The following PTCSC3 variants were observed in gnomAD, a reference collection of about 807,000 sequenced individuals.
PTCSC3 encodes the protein papillary thyroid carcinoma susceptibility candidate 3 (non-protein coding).
rs186053275 is a variant in PTCSC3 at position 36,174,079 on chromosome 14, T to G, written n.171+2219A>C. ...GTGCCTAGGTGCAGATTTCCTTGTA[T>G]GTGTCCCGTGTGGGTTCGTTGAAAT... On this transcript the variant is annotated intron_variant and non_coding_transcript_variant, in intron 1 of 3. Transcript: ENST00000556013. Among the ~76,000 whole-genome samples the G allele has an allele frequency of 4.3e-4, 65 of 152,266 alleles. No homozygotes were observed. The East Asian group carries it at 7.9e-3, about 18-fold the overall frequency.
At chr14:36,163,338 A>G (rs145303675) in intron 1 of PTCSC3, among the ~76,000 whole-genome samples, 2,286 of 152,248 alleles carry the variant, frequency 0.015, 31 homozygotes, top group South Asian at 0.032. Flanking sequence ...CCAAGGTACA[A>G]TATTTTTTAC....
chr14:36,159,160 C>T (rs1169140), intron 2 of PTCSC3, among the ~76,000 whole-genome samples: 1 of 148,784 alleles, frequency 6.7e-6, no homozygotes, highest in Non-Finnish European at 1.5e-5. Flanking sequence ...AGTCTGGCTA[C>T]TGGTCTATTT....
chr14:36,148,392 A>G (rs532718419), intron 3 of PTCSC3, among the ~76,000 whole-genome samples: 1 of 152,264 alleles, frequency 6.6e-6, no homozygotes, highest in African/African-American at 2.4e-5. Context: ...CCTGTCGGAA[A>G]AGCGCAGTAT....
intron 3 of PTCSC3, among the ~76,000 whole-genome samples, chr14:36,148,205 C>T (rs957368014): frequency 6.6e-6 from 1 of 152,008 alleles, no homozygotes; most frequent in African/African-American, 2.4e-5. Context: ...TTTGAGCTTC[C>T]CGGCTGCTTT....
intron 1 of PTCSC3, among the ~76,000 whole-genome samples, chr14:36,170,389 A>G (rs1882169676): frequency 6.6e-6 from 1 of 152,126 alleles, no homozygotes; most frequent in African/African-American, 2.4e-5. Context: ...AGTTCCTTTA[A>G]GATTTTCATT....
chr14:36,161,268 G>C (rs1165739719), intron 2 of PTCSC3, among the ~76,000 whole-genome samples: 1 of 152,082 alleles, frequency 6.6e-6, no homozygotes, highest in Non-Finnish European at 1.5e-5. Context: ...CCTTGCTGGC[G>C]AGGAGTTGTG....
At chr14:36,148,621 C>G (rs1264268836) in intron 3 of PTCSC3, among the ~76,000 whole-genome samples, 1 of 152,222 alleles carries the variant, frequency 6.6e-6, no homozygotes, top group Non-Finnish European at 1.5e-5. Flanking sequence ...AATCACCTGT[C>G]TTCTGCCTTG....
chr14:36,155,648 T>A (rs1881810999), intron 2 of PTCSC3, among the ~76,000 whole-genome samples: 1 of 152,144 alleles, frequency 6.6e-6, no homozygotes, highest in East Asian at 1.9e-4. Flanking sequence ...TGCCAAATCT[T>A]GCTAAATTTG....
chr14:36,150,042 G>T (rs1881687167), intron 3 of PTCSC3, among the ~76,000 whole-genome samples: 1 of 152,018 alleles, frequency 6.6e-6, no homozygotes, highest in South Asian at 2.1e-4. Context: ...TTTTGATTTT[G>T]GATTTTCAAA....
At chr14:36,161,199 C>T (rs1881948529) in intron 2 of PTCSC3, among the ~76,000 whole-genome samples, 1 of 152,092 alleles carries the variant, frequency 6.6e-6, no homozygotes, top group Non-Finnish European at 1.5e-5. Flanking sequence ...TGTTATTACC[C>T]ACCTTCTGAA....
chr14:36,159,274 C>A (rs937351382), intron 2 of PTCSC3, among the ~76,000 whole-genome samples: 14 of 145,706 alleles, frequency 9.6e-5, no homozygotes, highest in African/African-American at 3.3e-4. Flanking sequence ...TTAGTTATTT[C>A]TTGTCTTCTG....
At chr14:36,146,838 G>A (rs1044023879) in intron 3 of PTCSC3, among the ~76,000 whole-genome samples, 1 of 152,150 alleles carries the variant, frequency 6.6e-6, no homozygotes, top group Non-Finnish European at 1.5e-5. Flanking sequence ...TCCTTCAGGA[G>A]CTCTTTTAGG....
intron 2 of PTCSC3, among the ~76,000 whole-genome samples, chr14:36,156,135 C>G (rs556171881): frequency 1.3e-5 from 2 of 152,238 alleles, no homozygotes; most frequent in South Asian, 4.1e-4. Context: ...GTGGGTTCTG[C>G]CTGGTAAGTT....
At chr14:36,162,940 C>T (rs892592945) in intron 1 of PTCSC3, among the ~76,000 whole-genome samples, 1 of 151,952 alleles carries the variant, frequency 6.6e-6, no homozygotes, top group African/African-American at 2.4e-5. Flanking sequence ...TCCAAAATTT[C>T]CATAAAAACA....
At chr14:36,168,480 G>T (rs1882137685) in intron 1 of PTCSC3, among the ~76,000 whole-genome samples, 1 of 150,488 alleles carries the variant, frequency 6.6e-6, no homozygotes, top group African/African-American at 2.5e-5. Context: ...GCTAGTTAAG[G>T]TTGGAAGGAT....
chr14:36,154,597 A>G (rs1459803502), intron 2 of PTCSC3, among the ~76,000 whole-genome samples: 1 of 152,290 alleles, frequency 6.6e-6, no homozygotes, highest in African/African-American at 2.4e-5. Context: ...TAAGACAGGA[A>G]TGTCAGGAGG....
chr14:36,160,398 A>G (rs1881929758), intron 2 of PTCSC3, among the ~76,000 whole-genome samples: 1 of 152,144 alleles, frequency 6.6e-6, no homozygotes, highest in Non-Finnish European at 1.5e-5. Flanking sequence ...TACTTCCTTC[A>G]GGAGCTCTTG....
chr14:36,153,237 C>G (rs1881761315), intron 3 of PTCSC3, among the ~76,000 whole-genome samples: 1 of 152,282 alleles, frequency 6.6e-6, no homozygotes, highest in South Asian at 2.1e-4. Context: ...ACTCTTCTGA[C>G]CTAATTACTC....
At chr14:36,153,092 T>G (rs1881758271) in intron 3 of PTCSC3, among the ~76,000 whole-genome samples, 1 of 152,148 alleles carries the variant, frequency 6.6e-6, no homozygotes, top group East Asian at 1.9e-4. Context: ...GATTCCAGCA[T>G]GATTGTGTTC....
Sources: gnomAD v4.1 joint callset for allele counts (sites outside exome capture counted in the v4.1 genomes callset) on GRCh38, gnomAD v4.1.1 for gene constraint, MANE v1.5 for transcripts, NCBI Gene and HGNC (gene_info 2026-07-23, HGNC 2026-07-21) for gene names.